The following RLIG1 variants were observed in gnomAD, a reference collection of about 807,000 sequenced individuals.
RLIG1 encodes RNA 5'-phosphate and 3'-OH ligase 1.
the RLIG1 span, chr12:88,046,802 CTTAGGG>C: frequency 1.3e-6 from 2 of 1,595,422 alleles, no homozygotes; most frequent in Non-Finnish European, 1.7e-6. Flanking sequence ...AATTTTCCCA[CTTAGGG>C]TTAGGGAGCA....
chr12:88,048,304 T>C, the RLIG1 span: 2 of 1,603,668 alleles, frequency 1.2e-6, no homozygotes, highest in Non-Finnish European at 1.7e-6. Flanking sequence ...CCAGTTATTA[T>C]CAACATGAAC....
the RLIG1 span, among the ~76,000 whole-genome samples, chr12:88,039,572 AT>A: frequency 1.3e-5 from 2 of 152,090 alleles, no homozygotes; most frequent in South Asian, 4.1e-4. Flanking sequence ...TTCCTCAGAT[AT>A]TTACATGGTA....
the RLIG1 span, chr12:88,040,359 C>T: frequency 1.5e-6 from 1 of 672,634 alleles, no homozygotes; most frequent in Non-Finnish European, 2.4e-6. Flanking sequence ...TCTTCATAAA[C>T]ACTTGGAAAC....
At chr12:88,035,761 C>T in the RLIG1 span, 1 of 1,570,970 alleles carries the variant, frequency 6.4e-7, no homozygotes, top group Admixed American at 1.9e-5. Context: ...GCCGGGCAGG[C>T]TTGGCGGCCC....
the RLIG1 span, chr12:88,046,681 G>A: frequency 3.0e-4 from 265 of 887,336 alleles, no homozygotes; most frequent in South Asian, 4.5e-3. Context: ...TTCTTTTTAA[G>A]GAAACCAACC....
the RLIG1 span, among the ~76,000 whole-genome samples, chr12:88,036,749 T>A: frequency 6.6e-6 from 1 of 152,230 alleles, no homozygotes; most frequent in South Asian, 2.1e-4. Context: ...ACCTAACTGG[T>A]CTTACTTGCC....
the RLIG1 span, chr12:88,048,576 A>G: frequency 2.0e-6 from 1 of 506,282 alleles, no homozygotes; most frequent in Non-Finnish European, 3.2e-6. Context: ...CCTATTCAAA[A>G]TTTTATTAAA....
chr12:88,045,667 A>G, the RLIG1 span: 74 of 1,613,098 alleles, frequency 4.6e-5, no homozygotes, highest in Middle Eastern at 1.6e-4. Flanking sequence ...CCCTGGTACT[A>G]AAACATCATC....
the RLIG1 span, among the ~76,000 whole-genome samples, chr12:88,037,261 T>A: frequency 6.6e-6 from 1 of 152,182 alleles, no homozygotes; most frequent in East Asian, 1.9e-4. Flanking sequence ...AATTTAGCCA[T>A]TTCAGTGATT....
chr12:88,042,804 C>G, the RLIG1 span: 1 of 1,439,310 alleles, frequency 6.9e-7, no homozygotes, highest in East Asian at 2.6e-5. Context: ...CATACTTTTC[C>G]TTTTGTTATT....
the RLIG1 span, chr12:88,045,480 C>A: frequency 1.2e-6 from 1 of 817,160 alleles, no homozygotes; most frequent in Non-Finnish European, 1.9e-6. Flanking sequence ...CGATAGACAC[C>A]CAGAAAACAT....
chr12:88,038,420 T>C, the RLIG1 span, among the ~76,000 whole-genome samples: 4 of 152,202 alleles, frequency 2.6e-5, no homozygotes, highest in Non-Finnish European at 5.9e-5. Context: ...ACTTTCAAAG[T>C]AAACAATTCA....
chr12:88,048,360 C>CATT, the RLIG1 span: 9 of 1,594,450 alleles, frequency 5.6e-6, no homozygotes, highest in South Asian at 6.9e-5. Context: ...TTTGTTTAAT[C>CATT]ATTTTTTAAA....
chr12:88,046,998 G>T, the RLIG1 span: 1 of 1,575,580 alleles, frequency 6.3e-7, no homozygotes, highest in Non-Finnish European at 8.6e-7. Flanking sequence ...AATAGCTCCG[G>T]TGGGGTTATG....
the RLIG1 span, chr12:88,048,598 T>A: frequency 2.2e-6 from 1 of 453,284 alleles, no homozygotes; most frequent in Non-Finnish European, 3.7e-6. Flanking sequence ...ACCAGCAAAT[T>A]AATTTTAATC....
chr12:88,045,831 G>T, the RLIG1 span: 1 of 1,441,320 alleles, frequency 6.9e-7, no homozygotes, highest in Non-Finnish European at 9.6e-7. Context: ...TTTATAAAGA[G>T]AACTTTCTAG....
chr12:88,042,509 G>C, the RLIG1 span: 1 of 180,468 alleles, frequency 5.5e-6, no homozygotes, highest in African/African-American at 2.4e-5. Context: ...ACAGTTATCT[G>C]GTTATGTTTC....
chr12:88,049,282 GT>G, the RLIG1 span: 21 of 1,609,044 alleles, frequency 1.3e-5, no homozygotes, highest in Admixed American at 1.7e-5. Flanking sequence ...TGTTCTGAAA[GT>G]TTTTTTACCT....
chr12:88,035,575 C>A, the RLIG1 span: 2 of 1,475,450 alleles, frequency 1.4e-6, no homozygotes, highest in Admixed American at 2.0e-5. Flanking sequence ...GTGACTGCTT[C>A]AGGGCTTCTC....
Sources: allele counts gnomAD v4.1 joint callset (sites outside exome capture counted in the v4.1 genomes callset), GRCh38; gene constraint gnomAD v4.1.1; transcripts MANE v1.5; gene names NCBI Gene and HGNC (gene_info 2026-07-23, HGNC 2026-07-21).